Variants in MAP2K5 observed in about 807,000 individuals in gnomAD.
MAP2K5 encodes the protein dual specificity mitogen-activated protein kinase kinase 5.
MAP2K5 carries 49 observed loss-of-function variants against 83.1 expected under a neutral mutation model. The ratio of observed to expected loss-of-function variants is 0.59; its 90% CI spans 0.47 to 0.75. MAP2K5 has a LOEUF of 0.75. Ranked by LOEUF, MAP2K5 falls within the 30% of genes least tolerant of loss-of-function variation. The pLI is 0.00. For missense variants in MAP2K5, 457 were observed against 557.5 expected, an observed-to-expected ratio of 0.82 and a Z score of 1.82; for synonymous variants, 202 against 191.8, an observed-to-expected ratio of 1.05 and a Z score of -0.44.
chr15:67,545,835 A>C (rs1033071805), intron 1 of MAP2K5, among the ~76,000 whole-genome samples: 1 of 152,228 alleles, frequency 6.6e-6, no homozygotes, highest in African/African-American at 2.4e-5. Context: ...TAAAGCACTC[A>C]GAACAACTTA....
intron 4 of MAP2K5, among the ~76,000 whole-genome samples, chr15:67,582,682 C>T (rs537837582): frequency 2.0e-4 from 31 of 152,060 alleles, no homozygotes; most frequent in African/African-American, 6.8e-4. Flanking sequence ...ATTAGCCGGG[C>T]GTGGTGCACA....
chr15:67,703,520 A>G (rs757456568), intron 16 of MAP2K5, 112 bp downstream of exon 16: 3 of 788,878 alleles, frequency 3.8e-6, no homozygotes, highest in Non-Finnish European at 6.2e-6. Context: ...CATGTTATAT[A>G]GATGTATACA....
chr15:67,633,400 T>C (rs1351245353), intron 9 of MAP2K5, among the ~76,000 whole-genome samples: 2 of 152,242 alleles, frequency 1.3e-5, no homozygotes, highest in African/African-American at 4.8e-5. Flanking sequence ...TTATTTGGCC[T>C]TGCAAAGTAC....
chr15:67,656,932 C>A (rs187001645), intron 11 of MAP2K5, among the ~76,000 whole-genome samples: 106 of 152,274 alleles, frequency 7.0e-4, no homozygotes, highest in African/African-American at 2.5e-3. Flanking sequence ...AAGAACTCAT[C>A]AAACTTAACA....
chr15:67,651,313 A>G (rs1164151859), intron 11 of MAP2K5, among the ~76,000 whole-genome samples: 1 of 152,238 alleles, frequency 6.6e-6, no homozygotes, highest in Non-Finnish European at 1.5e-5. Context: ...TACAATGTGT[A>G]GTAATCAACT....
chr15:67,784,317 T>A (rs1452457996), intron 21 of MAP2K5, among the ~76,000 whole-genome samples: 2 of 152,228 alleles, frequency 1.3e-5, no homozygotes, highest in African/African-American at 4.8e-5. Context: ...ATTGTTATTG[T>A]GGTTTAGAGA....
At chr15:67,711,104 T>C (rs1241256626) in intron 16 of MAP2K5, among the ~76,000 whole-genome samples, 1 of 152,242 alleles carries the variant, frequency 6.6e-6, no homozygotes, top group Admixed American at 6.5e-5. Flanking sequence ...TCATAGTTCC[T>C]TATGACAGGA....
At chr15:67,713,967 G>C (rs1251864976) in intron 16 of MAP2K5, among the ~76,000 whole-genome samples, 1 of 152,186 alleles carries the variant, frequency 6.6e-6, no homozygotes, top group Non-Finnish European at 1.5e-5. Context: ...AGCCAGTTCA[G>C]TTTGTCACTC....
In MAP2K5 at chr15:67,801,725, T is replaced by G. The variant is rs529188576; in HGVS notation, c.1243-4921T>G. Reference sequence around the variant, plus strand: ...AGATGTAAGGCATTCAGCCAATGCCTGTACACAGCAAGTGCTCAGTAAGTA... The same window carrying G: ...AGATGTAAGGCATTCAGCCAATGCCGGTACACAGCAAGTGCTCAGTAAGTA... On this transcript the variant is annotated intron_variant, in intron 21 of 21. Coordinates refer to ENST00000178640, the MANE Select transcript of MAP2K5 (RefSeq NM_145160.3). This position sits in a 1 kb window ranked among gnomAD's most constrained non-coding sequence, Gnocchi z 4.8. Among the ~76,000 whole-genome samples the G allele has an allele frequency of 1.4e-4, 22 of 152,316 alleles. No homozygotes were observed. Among genetic ancestry groups the G allele is most frequent in the African/African-American group, 5.3e-4 (22 of 41,560 alleles).
At chr15:67,575,616 A>C (rs1392542598) in intron 3 of MAP2K5, among the ~76,000 whole-genome samples, 1 of 152,214 alleles carries the variant, frequency 6.6e-6, no homozygotes, top group Admixed American at 6.5e-5. Context: ...CTACTTCTTA[A>C]CTTGTAAGCA....
chr15:67,663,576 A>C (rs969102747), intron 12 of MAP2K5, among the ~76,000 whole-genome samples: 4 of 152,130 alleles, frequency 2.6e-5, no homozygotes, highest in African/African-American at 9.7e-5. Flanking sequence ...TTAACTTTTT[A>C]AAAATGTCTC....
In MAP2K5 at chr15:67,543,057, A is replaced by G; in HGVS notation, c.-279A>G. ...TTCACCATAGCGTTCGCTCAACTCC[A>G]GAACCTTCCGACCTCCGCTAGTTCC... On this transcript the variant is annotated 5_prime_UTR_variant, in exon 1 of 22. Transcript: ENST00000178640. The surrounding 1 kb of genome is among the most constrained non-coding windows in gnomAD (Gnocchi z 4.3). The G allele has an allele frequency of 2.0e-6, 1 of 491,954 alleles. No individual in the cohort carries two copies. Among genetic ancestry groups the G allele is most frequent in the Non-Finnish European group, 3.7e-6 (1 of 269,646 alleles). 30.5% of individuals were successfully genotyped at this position (491,954 alleles called of 1,614,324 possible). A position where few individuals can be genotyped will look rare whatever the true frequency, so the allele number is the denominator to read the frequency against.
chr15:67,664,873 G>A (rs1187692659), intron 13 of MAP2K5, among the ~76,000 whole-genome samples: 1 of 152,064 alleles, frequency 6.6e-6, no homozygotes, highest in Admixed American at 6.5e-5. Flanking sequence ...TGTCAAACTT[G>A]TAAAAAGATA....
chr15:67,660,582 C>T, intron 12 of MAP2K5, among the ~76,000 whole-genome samples: 1 of 152,064 alleles, frequency 6.6e-6, no homozygotes, highest in East Asian at 1.9e-4. Flanking sequence ...ATTGCCAAGT[C>T]AAAAGCAACA....
rs2090568469 is a variant in MAP2K5, at chr15:67,794,339, T to C, written c.1243-12307T>C. 6.6e-6 allele frequency among the ~76,000 whole-genome samples: 1 copy of C among 152,268 alleles called. No homozygotes were observed. On this transcript the variant is annotated intron_variant, in intron 21 of 21. Coordinates refer to ENST00000178640, the MANE Select transcript of MAP2K5 (RefSeq NM_145160.3). This position sits in a 1 kb window ranked among gnomAD's most constrained non-coding sequence, Gnocchi z 4.6. ...CAAGGCTAAGAGTGAGTTCTATTGA[T>C]GATTTTTATTTGCTGCTGGGATGCA... is the stretch of plus-strand genomic sequence containing the variant.
chr15:67,748,488 T>C lies in MAP2K5; in HGVS notation c.1102-81T>C. 3.4e-6 allele frequency: 4 copies of C among 1,190,622 alleles called. No homozygotes were observed. Among genetic ancestry groups the C allele is most frequent in the Non-Finnish European group, 3.7e-6 (3 of 811,530 alleles). 73.8% of individuals were successfully genotyped at this position (1,190,622 alleles called of 1,614,324 possible). ...ATTAATCTTGCTATATTTTATTGCA[T>C]TAATGATTTTTTCTTTCCACTCCAC... is the stretch of plus-strand genomic sequence containing the variant. On this transcript the variant is annotated intron_variant, in intron 18 of 21. Transcript: ENST00000178640. This position sits in a 1 kb window ranked among gnomAD's most constrained non-coding sequence, Gnocchi z 4.0.
chr15:67,756,917 C>T (rs1301770493), intron 19 of MAP2K5, among the ~76,000 whole-genome samples: 1 of 151,964 alleles, frequency 6.6e-6, no homozygotes, highest in Non-Finnish European at 1.5e-5. Flanking sequence ...GTGTGTGTAT[C>T]GATACCACAT....
At chr15:67,714,176 T>TA (rs1335854099) in intron 16 of MAP2K5, among the ~76,000 whole-genome samples, 3 of 152,132 alleles carry the variant, frequency 2.0e-5, no homozygotes, top group African/African-American at 7.2e-5. Context: ...AATAAACACT[T>TA]ATGTTTTTTG....
At chr15:67,664,460 C>G in intron 12 of MAP2K5, 137 bp from the exon 13 acceptor site, 1 of 585,896 alleles carries the variant, frequency 1.7e-6, no homozygotes, top group South Asian at 2.1e-5. Flanking sequence ...GTGATTGTAC[C>G]CCACAGCACT....
Sources: allele counts gnomAD v4.1 joint callset (sites outside exome capture counted in the v4.1 genomes callset), GRCh38; gene constraint gnomAD v4.1.1; non-coding constraint Gnocchi (gnomAD v3.1); transcripts MANE v1.5; gene names NCBI Gene and HGNC (gene_info 2026-07-23, HGNC 2026-07-21).